MADD: variants seen among roughly 807,000 people sequenced by gnomAD.
MADD encodes the protein MAP kinase activating death domain.
In MADD, 109 loss-of-function variants were observed where a neutral mutation model predicts 176.7. The ratio of observed to expected loss-of-function variants is 0.62; its 90% CI spans 0.53 to 0.72. MADD has a LOEUF of 0.72. Ranked by LOEUF, MADD falls within the 30% of genes least tolerant of loss-of-function variation. MADD has a pLI of 0.00. For missense variants in MADD, 1,914 were observed against 2,045.5 expected (o/e 0.94, Z 1.24); for synonymous variants, 771 against 771.3 (o/e 1.00, Z 0.01).
chr11:47,279,615 A>G (rs1011138274), intron 7 of MADD, among the ~76,000 whole-genome samples: 1 of 151,286 alleles, frequency 6.6e-6, no homozygotes, highest in African/African-American at 2.4e-5. Flanking sequence ...TCCTGACCTC[A>G]TGATCCGCCT....
chr11:47,289,504 G>T lies in MADD; in HGVS notation c.2756+11G>T. The T allele has an allele frequency of 6.2e-7, 1 of 1,611,024 alleles. No individual in the cohort carries two copies. The highest frequency in any genetic ancestry group is 1.3e-5 in the African/African-American group (1 of 74,972). On this transcript the variant is annotated intron_variant, in intron 16 of 32. Transcript: ENST00000402192. The stretch of plus-strand genomic sequence containing the variant: ...ATCCAGCAATTCTAGGTAATAAATG[G>T]TAGAGCTGTTTTAAAAGTTCTCAGG...
rs775513347 is a variant in MADD at position 47,284,405 on chromosome 11, G to C, written c.1997G>C (p.Gly666Ala). The change falls in exon 12 of 33, where the codon GGG becomes GCG. Residue 666 changes from glycine (G) to alanine (A), a missense_variant. Gly to Ala is a moderately conservative substitution (Grantham distance 60). Around this residue, in one of 2 missense-constraint regions of MADD, gnomAD observed 1,767 missense variants for 1,836.0 expected, o/e 0.96. Transcript: ENST00000402192. Reference sequence around the variant, plus strand: ...GACCCTCTGACACATGCAGCACTGGGGGATGCCAGCGAGGTGGAGATTGAC... The same window carrying C: ...GACCCTCTGACACATGCAGCACTGGCGGATGCCAGCGAGGTGGAGATTGAC... 5.0e-6 allele frequency: 8 copies of C among 1,614,042 alleles called. No individual in the cohort carries two copies. Among genetic ancestry groups the C allele is most frequent in the Non-Finnish European group, 6.8e-6 (8 of 1,180,042 alleles).
At chr11:47,277,371 G>T (rs2051119417) in intron 5 of MADD, among the ~76,000 whole-genome samples, 2 of 152,118 alleles carry the variant, frequency 1.3e-5, no homozygotes, top group South Asian at 4.1e-4. Flanking sequence ...CGGCCCACTG[G>T]AGCCTCTGCC....
At chr11:47,298,649 C>T (rs943661880) in intron 22 of MADD, among the ~76,000 whole-genome samples, 10 of 152,190 alleles carry the variant, frequency 6.6e-5, no homozygotes, top group Non-Finnish European at 1.5e-4. Flanking sequence ...TCACTCATTT[C>T]ATCGTGTCCT....
At position 47,289,939 on chromosome 11, in the gene MADD, G is replaced by A. The variant is rs375146285; in HGVS notation, c.2829G>A (p.Met943Ile). The change falls in exon 17 of 33, where the codon ATG becomes ATA. Residue 943 changes from methionine to isoleucine, a missense_variant. Around this residue, in one of 2 missense-constraint regions of MADD, gnomAD observed 1,767 missense variants for 1,836.0 expected, o/e 0.96. Transcript: ENST00000402192. Reference sequence around the variant, plus strand: ...GCCAGGGAGTTGGCTGGCTCAACATGAAAAAGGTGCGCCGGCTGCTGGAGA... The same window carrying A: ...GCCAGGGAGTTGGCTGGCTCAACATAAAAAAGGTGCGCCGGCTGCTGGAGA... 39 of 1,614,178 alleles carry A rather than the reference G, an allele frequency of 2.4e-5. No individual in the cohort carries two copies. The highest frequency in any genetic ancestry group is 3.3e-5 in the Non-Finnish European group (39 of 1,180,030).
chr11:47,284,811 A>C, intron 12 of MADD, 130 bp from the exon 13 acceptor site: 1 of 1,360,726 alleles, frequency 7.3e-7, no homozygotes, highest in Non-Finnish European at 1.0e-6. Context: ...AACGGGTGCT[A>C]CAGAGATCAT....
exon 18 of MADD, chr11:47,290,295 T>C (rs2064021519): frequency 6.2e-7 from 1 of 1,613,698 alleles, no homozygotes; most frequent in East Asian, 2.2e-5. Context: ...ACTACTATAG[T>C]AAAGGTAGGG....
exon 21 of MADD, chr11:47,295,502 G>T: frequency 6.2e-7 from 1 of 1,613,718 alleles, no homozygotes; most frequent in Admixed American, 1.7e-5. Context: ...TCAGAGGACT[G>T]ATCAAGACTC....
chr11:47,294,364 T>A (rs59945012), intron 20 of MADD, among the ~76,000 whole-genome samples: 341 of 75,158 alleles, frequency 4.5e-3, no homozygotes, highest in African/African-American at 0.021. Flanking sequence ...AAAAAAAAAA[T>A]AAAAATAAAA....
At chr11:47,307,853 A>G (rs865834633) in intron 22 of MADD, among the ~76,000 whole-genome samples, 3 of 152,182 alleles carry the variant, frequency 2.0e-5, no homozygotes, top group Non-Finnish European at 2.9e-5. Context: ...TATTTTTAAT[A>G]GAGACAGGGT....
At position 47,301,780 on chromosome 11, in the gene MADD, G is replaced by A. The variant is rs527394594; in HGVS notation, c.3642+5725G>A. ...TTATTTCTAATTTTCAGAGCACAGT[G>A]TTCCTTTGTGGTCTGAAAAGATACT... On this transcript the variant is annotated intron_variant, in intron 22 of 32. Coordinates refer to ENST00000402192, the Ensembl canonical transcript of MADD. 3.9e-5 allele frequency among the ~76,000 whole-genome samples: 6 copies of A among 152,246 alleles called. No individual in the cohort carries two copies. In the South Asian group the frequency reaches 1.2e-3, roughly 32 times the overall value.
intron 27 of MADD, among the ~76,000 whole-genome samples, 182 bp downstream of exon 30, chr11:47,315,509 C>G (rs757845967): frequency 2.0e-5 from 3 of 152,178 alleles, no homozygotes; most frequent in South Asian, 2.1e-4. Flanking sequence ...GTGTCTCGCT[C>G]TGTCACCCAG....
At chr11:47,290,875 T>G (rs1048073641) in intron 19 of MADD, 59 bp downstream of exon 20, 3 of 1,347,046 alleles carry the variant, frequency 2.2e-6, no homozygotes, top group Middle Eastern at 2.5e-4. Flanking sequence ...TATCCCTTTC[T>G]CCTCAATTCA....
At chr11:47,328,344 C>G (rs1314493582) in intron 31 of MADD, 1 of 1,288,500 alleles carries the variant, frequency 7.8e-7, no homozygotes, top group Non-Finnish European at 9.9e-7. Context: ...TAGCTGTGAC[C>G]AGGCTGGTGA....
chr11:47,324,641 G>A, intron 30 of MADD, 64 bp downstream of exon 33: 1 of 1,106,190 alleles, frequency 9.0e-7, no homozygotes, highest in Non-Finnish European at 1.4e-6. Context: ...CAATGTCCAA[G>A]CCCCCAGTAC....
chr11:47,308,464 G>A (rs2084951347), intron 22 of MADD, 127 bp from the exon 25 acceptor site: 1 of 604,584 alleles, frequency 1.7e-6, no homozygotes, highest in Non-Finnish European at 2.9e-6. Flanking sequence ...TGCAGAAGCA[G>A]GGGTACTGGA....
At position 47,325,439 on chromosome 11, in the gene MADD, C is replaced by G. The variant is rs1003296959; in HGVS notation, c.4542+862C>G. 4 of 152,328 alleles carry G rather than the reference C, an allele frequency of 2.6e-5. No individual in the cohort carries two copies. Among genetic ancestry groups the G allele is most frequent in the African/African-American group, 9.7e-5 (4 of 41,446 alleles). The allele number at this position is 152,328 out of a possible 1,614,324, so 9.4% of individuals were successfully genotyped here. A position where few individuals can be genotyped will look rare whatever the true frequency, so the allele number is the denominator to read the frequency against. On this transcript the variant is annotated intron_variant, in intron 30 of 32. Coordinates refer to ENST00000402192, the Ensembl canonical transcript of MADD. The surrounding 1 kb of genome is among the most constrained non-coding windows in gnomAD (Gnocchi z 4.5). ...CCAGACCCAAATGTGTGAAGCCCCA[C>G]AGACCCTGGCCAGGCCGCAGACCCT...
intron 22 of MADD, among the ~76,000 whole-genome samples, chr11:47,301,824 C>T (rs1289237052): frequency 6.6e-6 from 1 of 152,138 alleles, no homozygotes; most frequent in Admixed American, 6.5e-5. Flanking sequence ...TTTCAGTTTT[C>T]TTAAATTTCT....
chr11:47,278,441 C>T (rs1158702778), intron 6 of MADD, among the ~76,000 whole-genome samples, 163 bp downstream of exon 6: 1 of 152,148 alleles, frequency 6.6e-6, no homozygotes, highest in East Asian at 1.9e-4. Flanking sequence ...GCTCCTTTTA[C>T]CTTATTAGCC....
Sources: allele counts gnomAD v4.1 joint callset (sites outside exome capture counted in the v4.1 genomes callset), GRCh38; gene constraint gnomAD v4.1.1; regional missense constraint gnomAD v4.1.1; non-coding constraint Gnocchi (gnomAD v3.1); transcripts MANE v1.5; gene names NCBI Gene and HGNC (gene_info 2026-07-23, HGNC 2026-07-21).